The following CAPN3 variants were observed in gnomAD, a reference collection of about 807,000 sequenced individuals.
CAPN3 encodes calpain 3.
A neutral mutation model predicts 114.0 loss-of-function variants in CAPN3; 88 were observed. The observed-to-expected ratio is 0.77, with a 90% confidence interval of 0.65 to 0.92. The LOEUF is 0.92. Among genes scored for constraint, CAPN3 ranks in the 40% least tolerant of loss-of-function variants. CAPN3 has a pLI of 0.00. For synonymous variants in CAPN3, 386 were observed against 382.9 expected (o/e 1.01, Z -0.09); for missense variants, 1,028 against 1,069.0 (o/e 0.96, Z 0.53).
In CAPN3 at chr15:42,378,071, A is replaced by G. The variant is rs868313580; in HGVS notation, c.310-6412A>G. ...ATGAATAACATACCAAGACACCAATATTTAGTGAAAGAGCAGCTAGGGGTC... is the reference window on the plus strand; with the variant it reads ...ATGAATAACATACCAAGACACCAATGTTTAGTGAAAGAGCAGCTAGGGGTC... On this transcript the variant is annotated intron_variant, in intron 1 of 23. Coordinates refer to ENST00000397163, the MANE Select transcript of CAPN3 (RefSeq NM_000070.3). Among the ~76,000 whole-genome samples, 6 of 152,344 alleles carry G rather than the reference A, an allele frequency of 3.9e-5. No individual in the cohort carries two copies. In the South Asian group the frequency reaches 1.0e-3, roughly 26 times the overall value.
rs1437762605 is a variant in CAPN3 at position 42,411,007 on chromosome 15, G to A, written c.2380+7G>A. ...AGGCTGGAGGGCATGTTCAGTAAGT[G>A]GGAGAGGGGGGCTGCCCTCTGCTCT... On this transcript the variant is annotated splice_region_variant and intron_variant, in intron 22 of 23. Transcript: ENST00000397163. The A allele has an allele frequency of 1.3e-6, 2 of 1,598,482 alleles. No individual in the cohort carries two copies. Among genetic ancestry groups the A allele is most frequent in the Non-Finnish European group, 1.7e-6 (2 of 1,165,900 alleles).
At chr15:42,389,637 G>A (rs1017616238) in intron 5 of CAPN3, among the ~76,000 whole-genome samples, 2 of 152,208 alleles carry the variant, frequency 1.3e-5, no homozygotes, top group Non-Finnish European at 2.9e-5. Context: ...TGCCTTCCCT[G>A]AGGGCTGCTC....
At position 42,370,487 on chromosome 15, in the gene CAPN3, T is replaced by C. The variant is rs74538882; in HGVS notation, c.309+10373T>C. On this transcript the variant is annotated intron_variant, in intron 1 of 23. Transcript: ENST00000397163. ...GTTGTTTCTTCTCCCAGGAAAATTATATATCTTTCCAATGAAGCTGGCTCA... is the reference window on the plus strand; with the variant it reads ...GTTGTTTCTTCTCCCAGGAAAATTACATATCTTTCCAATGAAGCTGGCTCA... Among the ~76,000 whole-genome samples, 1,025 of 152,304 alleles carry C rather than the reference T, an allele frequency of 6.7e-3. 14 individuals are homozygous for C. Among genetic ancestry groups the C allele is most frequent in the African/African-American group, 0.024 (991 of 41,556 alleles).
intron 1 of CAPN3, 57 bp downstream of exon 1, chr15:42,360,171 T>C: frequency 6.3e-7 from 1 of 1,599,204 alleles, no homozygotes; most frequent in South Asian, 1.1e-5. Context: ...GTCCTCTCAC[T>C]CAGCACCTCC....
intron 3 of CAPN3, among the ~76,000 whole-genome samples, chr15:42,386,605 A>G (rs1450091124): frequency 6.6e-6 from 1 of 152,108 alleles, no homozygotes; most frequent in Non-Finnish European, 1.5e-5. Context: ...TCCCTAAGAT[A>G]TTAGCACTGT....
intron 7 of CAPN3, among the ~76,000 whole-genome samples, chr15:42,393,140 T>C (rs891096426): frequency 1.3e-5 from 2 of 152,208 alleles, no homozygotes; most frequent in Admixed American, 1.3e-4. Context: ...TCAAGTCCCT[T>C]CTGTAAAATG....
In CAPN3 at chr15:42,395,921, G is replaced by T. The variant is rs564800275; in HGVS notation, c.1116-879G>T. ...ACACATGCACTTTATTGCCACCATAGTGAGGAGAGAGAGTGTGAAAACTGC... is the reference window on the plus strand; with the variant it reads ...ACACATGCACTTTATTGCCACCATATTGAGGAGAGAGAGTGTGAAAACTGC... On this transcript the variant is annotated intron_variant, in intron 8 of 23. Coordinates refer to ENST00000397163, the MANE Select transcript of CAPN3 (RefSeq NM_000070.3). 4.6e-5 allele frequency among the ~76,000 whole-genome samples: 7 copies of T among 152,336 alleles called. No individual in the cohort carries two copies. In the South Asian group the frequency reaches 1.4e-3, roughly 32 times the overall value.
At chr15:42,388,468 G>A (rs938636232) in intron 4 of CAPN3, among the ~76,000 whole-genome samples, 16 of 152,146 alleles carry the variant, frequency 1.1e-4, no homozygotes, top group African/African-American at 3.4e-4. Context: ...ACCATGCCCA[G>A]TTAATTTTTG....
At chr15:42,368,033 C>T (rs2052833497) in intron 1 of CAPN3, among the ~76,000 whole-genome samples, 1 of 152,186 alleles carries the variant, frequency 6.6e-6, no homozygotes, top group Non-Finnish European at 1.5e-5. Context: ...ATGGCTTTTC[C>T]AACATGGAGG....
chr15:42,371,134 G>A (rs2052936412), intron 1 of CAPN3, among the ~76,000 whole-genome samples: 1 of 152,220 alleles, frequency 6.6e-6, no homozygotes, highest in South Asian at 2.1e-4. Context: ...AAGACAAAAC[G>A]AGGTACCCAT....
intron 13 of CAPN3, 103 bp downstream of exon 13, chr15:42,403,105 T>G (rs903479054): frequency 8.8e-6 from 8 of 911,758 alleles, no homozygotes; most frequent in Admixed American, 5.5e-5. Context: ...CCAGGGTCCT[T>G]CTGCTGCTCC....
intron 1 of CAPN3, among the ~76,000 whole-genome samples, chr15:42,371,287 C>T (rs2052941164): frequency 6.6e-6 from 1 of 152,104 alleles, no homozygotes; most frequent in Non-Finnish European, 1.5e-5. Context: ...TTATATTCTA[C>T]AAGACAGCAG....
intron 8 of CAPN3, 63 bp from the exon 9 acceptor site, chr15:42,396,737 G>C: frequency 7.7e-7 from 1 of 1,291,938 alleles, no homozygotes; most frequent in Non-Finnish European, 1.1e-6. Context: ...GATACCTCCT[G>C]TCCCAACCTA....
At position 42,360,019 on chromosome 15, in the gene CAPN3, A is replaced by G. The variant is rs993594245; in HGVS notation, c.214A>G (p.Lys72Glu). 1 of 1,614,238 alleles carries G rather than the reference A, an allele frequency of 6.2e-7. No individual in the cohort carries two copies. The highest frequency in any genetic ancestry group is 8.5e-7 in the Non-Finnish European group (1 of 1,180,042). ...EQLHKKCLEK[K>E]VLYVDPEFPP... is the part of the protein sequence containing the mutation. Reference sequence around the variant, plus strand: ...ACTTCACAAGAAATGTCTAGAAAAGAAAGTTCTTTATGTGGACCCTGAGTT... The same window carrying G: ...ACTTCACAAGAAATGTCTAGAAAAGGAAGTTCTTTATGTGGACCCTGAGTT... The change falls in exon 1 of 24, where the codon AAA becomes GAA. Residue 72 changes from lysine to glutamate, a missense_variant. Physicochemically the swap from Lys to Glu is moderately conservative, Grantham distance 56 (BLOSUM62 1). Coordinates refer to ENST00000397163, the MANE Select transcript of CAPN3 (RefSeq NM_000070.3).
At chr15:42,408,521 G>T in intron 16 of CAPN3, 197 bp downstream of exon 16, 1 of 582,052 alleles carries the variant, frequency 1.7e-6, no homozygotes, top group Non-Finnish European at 3.2e-6. Context: ...CCCAGGATGG[G>T]GGTTCCATTC....
chr15:42,402,259 T>TA (rs1248911537), intron 12 of CAPN3, 124 bp downstream of exon 12: 4 of 1,599,826 alleles, frequency 2.5e-6, no homozygotes, highest in Admixed American at 1.7e-5. Context: ...GGAGAGGGCC[T>TA]TGCCTGTGTT....
chr15:42,411,207 A>G lies in CAPN3; in HGVS notation c.2381-80A>G, dbSNP rs1010867801. On this transcript the variant is annotated intron_variant, in intron 22 of 23. Transcript: ENST00000397163. ...GCTGATGAGGGACAGCACTGGGCAC[A>G]TGGTCCTCTGAGGGGAAGTTACAGT... The G allele has an allele frequency of 6.0e-5, 74 of 1,226,204 alleles. 1 individual carries two copies. The highest frequency in any genetic ancestry group is 2.5e-4 in the South Asian group (21 of 83,264). 76.0% of individuals were successfully genotyped at this position (1,226,204 alleles called of 1,614,324 possible).
chr15:42,409,282 T>C (rs374924566), intron 16 of CAPN3, 21 bp from the exon 17 acceptor site: 1 of 1,613,406 alleles, frequency 6.2e-7, no homozygotes, highest in Non-Finnish European at 8.5e-7. Flanking sequence ...TGTGAACCAG[T>C]TTTCCTTTGT....
chr15:42,364,371 G>A (rs565026852), intron 1 of CAPN3, among the ~76,000 whole-genome samples: 5 of 152,316 alleles, frequency 3.3e-5, no homozygotes, highest in Admixed American at 2.0e-4. Context: ...ACCAGCACAT[G>A]GTTGAGTGCT....
Sources: gnomAD v4.1 joint callset for allele counts (sites outside exome capture counted in the v4.1 genomes callset) on GRCh38, gnomAD v4.1.1 for gene constraint, MANE v1.5 for transcripts, NCBI Gene and HGNC (gene_info 2026-07-23, HGNC 2026-07-21) for gene names.